The following BCAT1 variants were observed in gnomAD, a reference collection of about 807,000 sequenced individuals.
The protein encoded by BCAT1 is branched-chain-amino-acid aminotransferase, cytosolic.
Under a neutral mutation model 52.4 loss-of-function variants are expected in BCAT1, and 48 were observed. The observed-to-expected ratio is 0.92, with a 90% CI of 0.73 to 1.16. BCAT1 has a LOEUF of 1.16. BCAT1 is among the 50% of genes most tolerant of loss of function. The pLI is 0.00. For synonymous variants in BCAT1, 167 were observed against 161.3 expected (o/e 1.04, Z -0.27); for missense variants, 451 against 457.1 (o/e 0.99, Z 0.12).
chr12:24,875,983 T>C (rs756630530), intron 5 of BCAT1, among the ~76,000 whole-genome samples: 71 of 152,286 alleles, frequency 4.7e-4, no homozygotes, highest in Non-Finnish European at 9.3e-4. Context: ...TAGCTTATCC[T>C]ATCTTAAATG....
At chr12:24,849,309 C>A (rs1941431949) in intron 6 of BCAT1, among the ~76,000 whole-genome samples, 1 of 152,256 alleles carries the variant, frequency 6.6e-6, no homozygotes, top group Admixed American at 6.5e-5. Flanking sequence ...TGGCCACAAT[C>A]TGTGGCAATG....
chr12:24,865,216 A>G (rs147647309), intron 5 of BCAT1, among the ~76,000 whole-genome samples: 476 of 152,344 alleles, frequency 3.1e-3, no homozygotes, highest in Admixed American at 6.2e-3. Context: ...CATCTATAGT[A>G]CCTACATGCA....
At chr12:24,928,979 T>C (rs1256581289) in intron 1 of BCAT1, among the ~76,000 whole-genome samples, 6 of 152,112 alleles carry the variant, frequency 3.9e-5, no homozygotes. Context: ...CAGGCTGGCC[T>C]CGAACTCCTG....
chr12:24,887,080 A>AATATATATATATATATAT (rs71063368), intron 3 of BCAT1, among the ~76,000 whole-genome samples: 11 of 40,732 alleles, frequency 2.7e-4, no homozygotes, highest in Non-Finnish European at 4.2e-4. Context: ...AAAAAAAAAA[A>AATATATATATATATATAT]ATATATATAT....
rs1007251034 is a variant in BCAT1, at chr12:24,882,036, C to A, written c.280-625G>T. Among the ~76,000 whole-genome samples the A allele has an allele frequency of 2.0e-5, 3 of 152,282 alleles. No homozygotes were observed. The South Asian group carries it at 6.2e-4, about 32-fold the overall frequency. ...GATAAATACAGAGAAAGACAAAAAT[C>A]AATAATTTTAGTGGGAAAATTTAAC... On this transcript the variant is annotated intron_variant, in intron 3 of 10. Transcript: ENST00000261192.
At chr12:24,916,017 G>C (rs1191000137) in intron 1 of BCAT1, among the ~76,000 whole-genome samples, 1 of 152,052 alleles carries the variant, frequency 6.6e-6, no homozygotes, top group African/African-American at 2.4e-5. Flanking sequence ...AAATTAGCTG[G>C]GAGTAGCAAC....
At chr12:24,885,970 A>G (rs1161168439) in intron 3 of BCAT1, among the ~76,000 whole-genome samples, 1 of 152,198 alleles carries the variant, frequency 6.6e-6, no homozygotes, top group East Asian at 1.9e-4. Flanking sequence ...AAGACACAAC[A>G]AATTCCAAAC....
At chr12:24,916,478 GT>G (rs1218292054) in intron 1 of BCAT1, among the ~76,000 whole-genome samples, 2 of 151,952 alleles carry the variant, frequency 1.3e-5, no homozygotes, top group Non-Finnish European at 1.5e-5. Flanking sequence ...AATAACCACT[GT>G]TTCCATGTGT....
intron 1 of BCAT1, among the ~76,000 whole-genome samples, chr12:24,938,205 G>A (rs1943794725): frequency 6.6e-6 from 1 of 152,242 alleles, no homozygotes; most frequent in South Asian, 2.1e-4. Flanking sequence ...GCTATGCAAG[G>A]AGTCTCATGT....
intron 7 of BCAT1, 108 bp from the exon 8 acceptor site, chr12:24,836,704 A>G (rs1940939954): frequency 1.1e-6 from 1 of 940,700 alleles, no homozygotes; most frequent in African/African-American, 1.6e-5. Flanking sequence ...AGCAACAAAC[A>G]TAAAGAAAAT....
intron 5 of BCAT1, among the ~76,000 whole-genome samples, chr12:24,875,429 C>T (rs554401310): frequency 1.8e-3 from 268 of 152,220 alleles, no homozygotes; most frequent in African/African-American, 6.2e-3. Flanking sequence ...AAATGGTATT[C>T]GTTAATAAAT....
chr12:24,945,056 C>A (rs930008178), intron 1 of BCAT1, among the ~76,000 whole-genome samples: 19 of 152,130 alleles, frequency 1.2e-4, no homozygotes, highest in African/African-American at 4.3e-4. Context: ...AATCTAATTT[C>A]CAAGCTATTT....
chr12:24,873,546 T>A (rs1183373983), intron 5 of BCAT1, among the ~76,000 whole-genome samples: 1 of 152,236 alleles, frequency 6.6e-6, no homozygotes, highest in Non-Finnish European at 1.5e-5. Flanking sequence ...TATGTATTTA[T>A]GTATTATAGG....
intron 1 of BCAT1, among the ~76,000 whole-genome samples, chr12:24,936,508 C>G (rs1249982080): frequency 1.3e-5 from 2 of 152,206 alleles, no homozygotes; most frequent in Non-Finnish European, 2.9e-5. Context: ...GCTGGAATTA[C>G]AGGCATGAGC....
chr12:24,925,184 A>T lies in BCAT1; in HGVS notation c.7-23299T>A, dbSNP rs1943559433. On this transcript the variant is annotated intron_variant, in intron 1 of 10. Coordinates refer to ENST00000261192, the MANE Select transcript of BCAT1 (RefSeq NM_005504.7). ...CCCTCAATGTGGGAGGGCTTCATCC[A>T]ATTAGTTGAAGGCCTTAACAGCAAA... is the stretch of plus-strand genomic sequence containing the variant. Among the ~76,000 whole-genome samples, 4 of 152,180 alleles carry T rather than the reference A, an allele frequency of 2.6e-5. No homozygotes were observed. The South Asian group carries it at 8.3e-4, about 32-fold the overall frequency.
intron 3 of BCAT1, among the ~76,000 whole-genome samples, chr12:24,884,456 T>C (rs935325394): frequency 1.3e-5 from 2 of 152,182 alleles, no homozygotes; most frequent in African/African-American, 4.8e-5. Context: ...TAATGTATCA[T>C]ATATTTCAAA....
intron 5 of BCAT1, among the ~76,000 whole-genome samples, chr12:24,876,810 G>A (rs151330260): frequency 1.6e-4 from 25 of 152,236 alleles, no homozygotes; most frequent in African/African-American, 4.8e-4. Context: ...CGGAAGGGGC[G>A]GGAGGAGGAA....
chr12:24,847,208 G>A (rs958380934), intron 6 of BCAT1, among the ~76,000 whole-genome samples: 3 of 152,132 alleles, frequency 2.0e-5, no homozygotes, highest in African/African-American at 7.2e-5. Flanking sequence ...AAGACTTCAG[G>A]TTTTTTTCAG....
chr12:24,891,594 T>C (rs1345416156), intron 3 of BCAT1, among the ~76,000 whole-genome samples: 1 of 152,210 alleles, frequency 6.6e-6, no homozygotes, highest in African/African-American at 2.4e-5. Context: ...TTTACTTATA[T>C]TGTAAGCAGA....
Sources: allele counts gnomAD v4.1 joint callset (sites outside exome capture counted in the v4.1 genomes callset), GRCh38; gene constraint gnomAD v4.1.1; transcripts MANE v1.5; gene names NCBI Gene and HGNC (gene_info 2026-07-23, HGNC 2026-07-21).